BCORL1: variants seen among roughly 807,000 people sequenced by gnomAD.
The protein encoded by BCORL1 is BCL-6 corepressor-like protein 1.
In BCORL1, 7 loss-of-function variants were observed where a neutral mutation model predicts 87.6. The ratio of observed to expected loss-of-function variants is 0.08; its 90% CI spans 0.05 to 0.15. BCORL1 has a LOEUF of 0.15. Ranked by LOEUF, BCORL1 falls within the 10% of genes least tolerant of loss-of-function variation. The pLI is 1.00. For missense variants in BCORL1, 1,215 were observed against 1,499.7 expected, an observed-to-expected ratio of 0.81 and a Z score of 3.13; for synonymous variants, 591 against 634.4, an observed-to-expected ratio of 0.93 and a Z score of 1.03.
At chrX:130,043,749 TATA>T (rs1569388259) in intron 11 of BCORL1, among the ~76,000 whole-genome samples, 233 of 13,522 alleles carry the variant, frequency 0.017, 29 homozygotes, top group African/African-American at 0.061. Flanking sequence ...TAATTTGTTA[TATA>T]TATATATATA....
rs1444890181 is a variant in BCORL1 at position 129,994,434 on chromosome X, G to T, written c.-44-10754G>T. 2.7e-5 allele frequency among the ~76,000 whole-genome samples: 3 copies of T among 111,877 alleles called. No homozygotes were observed. In the Admixed American group the frequency reaches 2.9e-4, roughly 11 times the overall value. On this transcript the variant is annotated intron_variant, in intron 1 of 13. Coordinates refer to ENST00000540052, the MANE Select transcript of BCORL1 (RefSeq NM_001379451.1). ...AGGAGAGTGAAAAGGACGTAGTATTGGTCTGGATGCTAACGCTCACAGAGG... is the reference window on the plus strand; with the variant it reads ...AGGAGAGTGAAAAGGACGTAGTATTTGTCTGGATGCTAACGCTCACAGAGG...
At chrX:129,987,958 A>C (rs1926773899) in intron 1 of BCORL1, among the ~76,000 whole-genome samples, 1 of 111,738 alleles carries the variant, frequency 8.9e-6, no homozygotes, top group African/African-American at 3.3e-5. Context: ...GTTGGGGTAG[A>C]ATAGGAAAAG....
chrX:130,005,938 C>T (rs1928456936), intron 2 of BCORL1, among the ~76,000 whole-genome samples: 1 of 111,015 alleles, frequency 9.0e-6, no homozygotes, highest in African/African-American at 3.3e-5. Flanking sequence ...CCAGCGATTG[C>T]AGTTTTTATT....
chrX:130,036,581 A>T (rs1373579587), intron 9 of BCORL1, among the ~76,000 whole-genome samples: 1 of 112,317 alleles, frequency 8.9e-6, no homozygotes, highest in African/African-American at 3.2e-5. Context: ...TCCTGATTTG[A>T]GGGGAGGGCT....
intron 9 of BCORL1, among the ~76,000 whole-genome samples, chrX:130,035,721 A>G (rs1930897659): frequency 8.9e-6 from 1 of 112,274 alleles, no homozygotes; most frequent in Non-Finnish European, 1.9e-5. Context: ...CCTGCCGTCA[A>G]GGTTAATTTA....
chrX:130,055,187 C>T (rs907614589), intron 13 of BCORL1, among the ~76,000 whole-genome samples: 3 of 112,510 alleles, frequency 2.7e-5, no homozygotes, highest in African/African-American at 9.7e-5. Context: ...CCCAGCTGTC[C>T]CCAGGCTGCC....
rs1380510417 is a variant in BCORL1 at position 130,043,776 on chromosome X, A to T, written c.4840+4494A>T. Among the ~76,000 whole-genome samples the T allele has an allele frequency of 2.8e-3, 60 of 21,415 alleles. 3 individuals are homozygous for T. The highest frequency in any genetic ancestry group is 0.021 in the African/African-American group (58 of 2,754). 18.6% of individuals were successfully genotyped at this position (21,415 alleles called of 115,157 possible). On this transcript the variant is annotated intron_variant, in intron 11 of 13. Transcript: ENST00000540052. ...TATATATATATATATATATATATAT[A>T]TATATATATTTTTTTTTTTTTTTTT...
At chrX:130,046,495 G>A (rs780563229) in intron 11 of BCORL1, among the ~76,000 whole-genome samples, 14 of 107,839 alleles carry the variant, frequency 1.3e-4, no homozygotes, top group Non-Finnish European at 2.7e-4. Context: ...AGTGATTATC[G>A]TGCCTCAGCC....
At position 130,056,033 on chromosome X, in the gene BCORL1, G is replaced by C. The variant is rs1183934682; in HGVS notation, c.5255G>C (p.Arg1752Thr). 3.3e-6 allele frequency: 4 copies of C among 1,212,111 alleles called. No individual in the cohort carries two copies. The highest frequency in any genetic ancestry group is 4.5e-6 in the Non-Finnish European group (4 of 895,561). ...GAGAGGCCTGGAGGCTTGGACGACAGATCCCCCCCAGGCTCCTCTGAGACT... is the reference window on the plus strand; with the variant it reads ...GAGAGGCCTGGAGGCTTGGACGACACATCCCCCCCAGGCTCCTCTGAGACT... The part of the protein sequence containing the change: ...PAERPGGLDD[R>T]SPPGSSETVE... Residue 1752 changes from arginine to threonine, a missense_variant, in exon 14 of 14, where the codon AGA (arginine) becomes ACA (threonine). This residue lies in a region of BCORL1 where 129 missense variants were observed against 157.5 expected (regional missense o/e 0.82). Transcript: ENST00000540052.
At chrX:130,044,805 A>C (rs1159293936) in intron 11 of BCORL1, among the ~76,000 whole-genome samples, 1 of 112,567 alleles carries the variant, frequency 8.9e-6, no homozygotes, top group Non-Finnish European at 1.9e-5. Context: ...CACCGCGCCC[A>C]GCAGTAAATC....
intron 11 of BCORL1, among the ~76,000 whole-genome samples, chrX:130,049,175 G>A (rs1158876973): frequency 8.9e-6 from 1 of 112,037 alleles, no homozygotes; most frequent in Non-Finnish European, 1.9e-5. Context: ...GAGTGGAATT[G>A]CTAGGTCATA....
At chrX:130,007,566 C>A (rs1928598792) in intron 2 of BCORL1, among the ~76,000 whole-genome samples, 1 of 112,371 alleles carries the variant, frequency 8.9e-6, no homozygotes, top group African/African-American at 3.2e-5. Context: ...GAGGCCGAGG[C>A]GGGTGGATCA....
At chrX:129,985,888 C>G (rs977020253) in intron 1 of BCORL1, among the ~76,000 whole-genome samples, 1 of 109,281 alleles carries the variant, frequency 9.2e-6, no homozygotes, top group Non-Finnish European at 1.9e-5. Flanking sequence ...GAGTCTCAGT[C>G]GCCCAGGCTG....
At chrX:129,991,713 A>AGTG (rs1258906379) in intron 1 of BCORL1, among the ~76,000 whole-genome samples, 9 of 83,414 alleles carry the variant, frequency 1.1e-4, no homozygotes, top group African/African-American at 4.5e-4. Flanking sequence ...GCTGGAGTGC[A>AGTG]GTGGTGCGAT....
At chrX:130,052,090 G>A (rs1932110934) in intron 13 of BCORL1, 74 bp downstream of exon 13, 3 of 1,027,479 alleles carry the variant, frequency 2.9e-6, no homozygotes, top group South Asian at 2.5e-5. Flanking sequence ...AGTTCTCCAC[G>A]AGGAAGTGAA....
chrX:130,016,137 G>C lies in BCORL1; in HGVS notation c.3365G>C (p.Gly1122Ala), dbSNP rs142200097. The C allele has an allele frequency of 8.3e-7, 1 of 1,211,196 alleles. No individual in the cohort carries two copies. The highest frequency in any genetic ancestry group is 1.1e-6 in the Non-Finnish European group (1 of 895,457). ...CTGCCGCCCAAGAAGATGAAGTGCGGCAAAGAGAAGGACAGTGAAGAGCAG... is the reference window on the plus strand; with the variant it reads ...CTGCCGCCCAAGAAGATGAAGTGCGCCAAAGAGAAGGACAGTGAAGAGCAG... Reference protein sequence around the residue: ...ESLPPKKMKCGKEKDSEEQQL... With the variant: ...ESLPPKKMKCAKEKDSEEQQL... The change falls in exon 4 of 14, where the codon GGC becomes GCC. Residue 1122 changes from glycine to alanine, a missense_variant. By Grantham distance (60) the Gly-to-Ala change is moderately conservative (BLOSUM62 0). Coordinates refer to ENST00000540052, the MANE Select transcript of BCORL1 (RefSeq NM_001379451.1).
At chrX:130,032,663 A>T (rs1930683467) in intron 8 of BCORL1, among the ~76,000 whole-genome samples, 1 of 111,391 alleles carries the variant, frequency 9.0e-6, no homozygotes, top group African/African-American at 3.3e-5. Flanking sequence ...CATGCAAAGT[A>T]TGCCACCTCT....
In BCORL1 at chrX:130,005,320, G is replaced by A; in HGVS notation, c.86+3G>A. ...ATGTGTGGCATCAACGAGGAGAGGT[G>A]AGGAGGCCAGGAAGGTGGCCGCTGC... On this transcript the variant is annotated splice_donor_region_variant and intron_variant, in intron 2 of 13. Transcript: ENST00000540052. 8.3e-7 allele frequency: 1 copy of A among 1,209,779 alleles called. No homozygotes were observed. The highest frequency in any genetic ancestry group is 1.1e-6 in the Non-Finnish European group (1 of 893,578).
intron 8 of BCORL1, 41 bp downstream of exon 8, chrX:130,028,902 C>A (rs1569379275): frequency 2.5e-6 from 1 of 406,084 alleles, no homozygotes; most frequent in Non-Finnish European, 3.2e-6. Context: ...GTGTGTGTGG[C>A]GGGGGGTCAG....
Sources: allele counts gnomAD v4.1 joint callset (sites outside exome capture counted in the v4.1 genomes callset), GRCh38; gene constraint gnomAD v4.1.1; regional missense constraint gnomAD v4.1.1; transcripts MANE v1.5; gene names NCBI Gene and HGNC (gene_info 2026-07-23, HGNC 2026-07-21).